PTPRF: variants seen among roughly 807,000 people sequenced by gnomAD.
PTPRF encodes the protein receptor-type tyrosine-protein phosphatase F.
A neutral mutation model predicts 201.8 loss-of-function variants in PTPRF; 59 were observed. The observed-to-expected ratio is 0.29, with a 90% CI of 0.24 to 0.36. PTPRF has a LOEUF of 0.36. Ranked by LOEUF, PTPRF falls within the 10% of genes least tolerant of loss-of-function variation. The pLI is 1.00. For synonymous variants in PTPRF, 1,088 were observed against 1,089.7 expected (o/e 1.00, Z 0.03); for missense variants, 2,132 against 2,690.5 (o/e 0.79, Z 4.59).
intron 7 of PTPRF, among the ~76,000 whole-genome samples, chr1:43,581,531 G>A (rs1647623728): frequency 6.6e-6 from 1 of 152,234 alleles, no homozygotes; most frequent in Admixed American, 6.5e-5. Flanking sequence ...ACACCTGAAA[G>A]GCCCTGCTCC....
Position 43,619,699 on chromosome 1 carries a change from C to G in PTPRF, c.4952C>G (p.Ala1651Gly). 6.2e-7 allele frequency: 1 copy of G among 1,614,106 alleles called. No individual in the cohort carries two copies. Among genetic ancestry groups the G allele is most frequent in the East Asian group, 2.2e-5 (1 of 44,884 alleles). ...CAATAGTTGCTGGCCAGCTCCAAGG[C>G]CCACACGTCCCGCTTCATCAGCGCC... is the stretch of plus-strand genomic sequence containing the variant. Reference protein sequence around the residue: ...LEFKLLASSKAHTSRFISANL... With the variant: ...LEFKLLASSKGHTSRFISANL... The change falls in exon 29 of 34, where the codon GCC becomes GGC. Residue 1651 changes from alanine (A) to glycine (G), a missense_variant. Transcript: ENST00000359947.
chr1:43,542,791 C>T lies in PTPRF; in HGVS notation c.-45-2240C>T, dbSNP rs141521599. ...CACCTCCATGATGTCTGCACCTGGGCGTTATACTGCTATGATTACTGCACC... is the reference window on the plus strand; with the variant it reads ...CACCTCCATGATGTCTGCACCTGGGTGTTATACTGCTATGATTACTGCACC... On this transcript the variant is annotated intron_variant, in intron 2 of 33. Transcript: ENST00000359947. This position sits in a 1 kb window ranked among gnomAD's most constrained non-coding sequence, Gnocchi z 5.2. Among the ~76,000 whole-genome samples the T allele has an allele frequency of 3.9e-5, 6 of 152,238 alleles. No homozygotes were observed. The highest frequency in any genetic ancestry group is 1.4e-4 in the African/African-American group (6 of 41,528).
rs766785952 is a variant in PTPRF, at chr1:43,619,279, G to A, written c.4647-9G>A. 9.3e-6 allele frequency: 15 copies of A among 1,612,722 alleles called. No individual in the cohort carries two copies. The highest frequency in any genetic ancestry group is 1.3e-5 in the Non-Finnish European group (15 of 1,179,632). On this transcript the variant is annotated splice_polypyrimidine_tract_variant and intron_variant, in intron 27 of 33. Transcript: ENST00000359947. ...CGCCTGTGCCTCAAGCTGAGCCCGT[G>A]TCCTGCAGCGCGGGCGTGGGCCGCA...
chr1:43,619,401 G>A lies in PTPRF; in HGVS notation c.4760G>A (p.Arg1587Lys). 1 of 1,614,140 alleles carries A rather than the reference G, an allele frequency of 6.2e-7. No homozygotes were observed. Among genetic ancestry groups the A allele is most frequent in the Non-Finnish European group, 8.5e-7 (1 of 1,180,036 alleles). Residue 1587 changes from arginine (R) to lysine (K), a missense_variant, in exon 28 of 34, where the codon AGG (arginine) becomes AAG (lysine). Arg to Lys is a conservative substitution (Grantham distance 26). Transcript: ENST00000359947. Reference sequence around the variant, plus strand: ...CACGTGACCTGCATGCGATCACAGAGGAACTACATGGTGCAGACGGAGGAC... The same window carrying A: ...CACGTGACCTGCATGCGATCACAGAAGAACTACATGGTGCAGACGGAGGAC... ...YGHVTCMRSQRNYMVQTEDQY... is the reference protein window; with the variant it reads ...YGHVTCMRSQKNYMVQTEDQY...
intron 10 of PTPRF, 150 bp downstream of exon 10, chr1:43,592,098 T>C: frequency 8.7e-7 from 1 of 1,150,302 alleles, no homozygotes; most frequent in South Asian, 1.5e-5. Context: ...TGCATGCGTG[T>C]CATGTGGCCC....
Position 43,606,927 on chromosome 1 carries a change from C to G in PTPRF, c.3816C>G (p.Ile1272Met). 6.2e-7 allele frequency: 1 copy of G among 1,614,196 alleles called. No homozygotes were observed. Among genetic ancestry groups the G allele is most frequent in the Non-Finnish European group, 8.5e-7 (1 of 1,180,042 alleles). The change falls in exon 21 of 34, where the codon ATC (isoleucine) becomes ATG (methionine). Residue 1272 changes from isoleucine (I) to methionine (M), a missense_variant. Around this residue, in one of 6 missense-constraint regions of PTPRF, gnomAD observed 818 missense variants for 915.3 expected, o/e 0.89. Coordinates refer to ENST00000359947, the MANE Select transcript of PTPRF (RefSeq NM_002840.5). ...TGACGGGTCCCGTGCTGGCAGTCAT[C>G]CTCATCATCCTCATTGTCATCGCCA... is the stretch of plus-strand genomic sequence containing the variant. ...LWVTGPVLAV[I>M]LIILIVIAIL...
intron 5 of PTPRF, among the ~76,000 whole-genome samples, chr1:43,566,690 G>A (rs1341674148): frequency 1.3e-5 from 2 of 152,216 alleles, no homozygotes; most frequent in Non-Finnish European, 1.5e-5. Context: ...AGAGAAGGAA[G>A]AGGCAGCAGC....
chr1:43,580,847 G>A (rs1449088107), intron 7 of PTPRF, among the ~76,000 whole-genome samples: 2 of 152,230 alleles, frequency 1.3e-5, no homozygotes, highest in Non-Finnish European at 2.9e-5. Context: ...GAGAGGAGAG[G>A]CCCAGTAGAG....
chr1:43,532,289 C>T (rs1643644446), intron 1 of PTPRF, among the ~76,000 whole-genome samples: 1 of 152,198 alleles, frequency 6.6e-6, no homozygotes, highest in African/African-American at 2.4e-5. Flanking sequence ...AGTGCACGGC[C>T]CCTGAGTTGG....
In PTPRF at chr1:43,619,519, G is replaced by A. The variant is rs201561159; in HGVS notation, c.4878G>A (p.Lys1626=). 196 of 1,614,034 alleles carry A rather than the reference G, an allele frequency of 1.2e-4. No homozygotes were observed. The highest frequency in any genetic ancestry group is 2.1e-4 in the African/African-American group (16 of 75,060). The change falls in exon 28 of 34, where the codon AAG becomes AAA. Residue 1626 remains lysine, a synonymous_variant. Transcript: ENST00000359947. The part of the protein sequence containing the change: ...PARNLYAHIQ[K]LGQVPPGESV... ...GCAACCTGTATGCCCACATCCAGAAGCTGGGCCAAGTGCCTCCAGGGGAGA... is the reference window on the plus strand; with the variant it reads ...GCAACCTGTATGCCCACATCCAGAAACTGGGCCAAGTGCCTCCAGGGGAGA...
At chr1:43,552,284 T>A (rs1441902512) in intron 3 of PTPRF, among the ~76,000 whole-genome samples, 2 of 152,110 alleles carry the variant, frequency 1.3e-5, no homozygotes, top group Admixed American at 6.5e-5. Flanking sequence ...CTTGTCAAGG[T>A]CCCTGACAAT....
intron 5 of PTPRF, among the ~76,000 whole-genome samples, chr1:43,569,227 C>G (rs1029428495): frequency 1.4e-5 from 2 of 142,020 alleles, no homozygotes; most frequent in Admixed American, 6.9e-5. Flanking sequence ...TAGCCCCCCC[C>G]CCCACCCCCT....
chr1:43,529,371 G>C (rs1023154511), upstream of PTPRF, among the ~76,000 whole-genome samples: 9 of 152,182 alleles, frequency 5.9e-5, no homozygotes, highest in African/African-American at 1.9e-4. Context: ...GTGGTTACCA[G>C]AACCTGATTC....
At chr1:43,572,896 C>T (rs961320115) in intron 6 of PTPRF, among the ~76,000 whole-genome samples, 3 of 152,046 alleles carry the variant, frequency 2.0e-5, no homozygotes, top group African/African-American at 7.2e-5. Flanking sequence ...ACCTGGGGAC[C>T]TGAGGAGCAG....
chr1:43,599,009 T>C, intron 13 of PTPRF, 96 bp downstream of exon 13: 1 of 1,347,132 alleles, frequency 7.4e-7, no homozygotes, highest in South Asian at 1.4e-5. Context: ...TTCCCCTGCC[T>C]GCCCTCAGCA....
At chr1:43,611,311 G>C (rs972440649) in intron 22 of PTPRF, among the ~76,000 whole-genome samples, 1 of 152,220 alleles carries the variant, frequency 6.6e-6, no homozygotes, top group Non-Finnish European at 1.5e-5. Flanking sequence ...AAGCCTCTTC[G>C]GGGATGGGAT....
At chr1:43,581,890 T>A (rs576724267) in intron 7 of PTPRF, among the ~76,000 whole-genome samples, 2 of 152,230 alleles carry the variant, frequency 1.3e-5, no homozygotes, top group African/African-American at 4.8e-5. Flanking sequence ...GGACGATTCT[T>A]AGTTGTGAGG....
At position 43,603,428 on chromosome 1, in the gene PTPRF, A is replaced by G. The variant is rs754712346; in HGVS notation, c.2353A>G (p.Ser785Gly). 1 of 1,614,042 alleles carries G rather than the reference A, an allele frequency of 6.2e-7. No homozygotes were observed. The highest frequency in any genetic ancestry group is 1.3e-5 in the African/African-American group (1 of 75,028). Residue 785 changes from serine (S) to glycine (G), a missense_variant, in exon 15 of 34, where the codon AGC becomes GGC. Around this residue, in one of 6 missense-constraint regions of PTPRF, gnomAD observed 818 missense variants for 915.3 expected, o/e 0.89. Transcript: ENST00000359947. This position sits in a 1 kb window ranked among gnomAD's most constrained non-coding sequence, Gnocchi z 5.8. ...CCTCCTCCCTCAGGAAACCACTATC[A>G]GCGGCCTGACCCCGGAGACCACCTA... ...EESEDYETTI[S>G]GLTPETTYSV...
rs577242891 is a variant in PTPRF, at chr1:43,538,655, C to T, written c.-46+378C>T. On this transcript the variant is annotated intron_variant, in intron 2 of 33. Transcript: ENST00000359947. ...CTACTGTAGGTGTGAAATAGGCTTCCGGGTGATGTCCTGGGACTTACACCA... is the reference window on the plus strand; with the variant it reads ...CTACTGTAGGTGTGAAATAGGCTTCTGGGTGATGTCCTGGGACTTACACCA... Among the ~76,000 whole-genome samples the T allele has an allele frequency of 2.2e-3, 329 of 152,228 alleles. 2 individuals are homozygous for T. The highest frequency in any genetic ancestry group is 6.7e-3 in the African/African-American group (280 of 41,540).
Sources: allele counts gnomAD v4.1 joint callset (sites outside exome capture counted in the v4.1 genomes callset), GRCh38; gene constraint gnomAD v4.1.1; regional missense constraint gnomAD v4.1.1; non-coding constraint Gnocchi (gnomAD v3.1); transcripts MANE v1.5; gene names NCBI Gene and HGNC (gene_info 2026-07-23, HGNC 2026-07-21).